Variants in GRIP1 observed in about 807,000 individuals in gnomAD.
GRIP1 encodes the protein glutamate receptor interacting protein 1, also known as glutamate receptor-interacting protein 1.
A neutral mutation model predicts 129.9 loss-of-function variants in GRIP1; 45 were observed. The observed-to-expected ratio is 0.35, with a 90% CI of 0.27 to 0.44. The LOEUF (loss-of-function observed/expected upper bound fraction) is 0.44. Among genes scored for constraint, GRIP1 ranks in the 20% least tolerant of loss-of-function variants. The pLI is 1.00. For synonymous variants in GRIP1, 530 were observed against 520.8 expected, an observed-to-expected ratio of 1.02 and a Z score of -0.24; for missense variants, 1,196 against 1,396.8, an observed-to-expected ratio of 0.86 and a Z score of 2.29.
intron 1 of GRIP1, among the ~76,000 whole-genome samples, chr12:66,647,590 A>T (rs2032473603): frequency 6.6e-6 from 1 of 152,232 alleles, no homozygotes; most frequent in Non-Finnish European, 1.5e-5. Flanking sequence ...TGTCTAAAGA[A>T]ATTGACAGAA....
intron 1 of GRIP1, among the ~76,000 whole-genome samples, chr12:66,764,075 T>C (rs1386555099): frequency 6.6e-6 from 1 of 152,190 alleles, no homozygotes; most frequent in Non-Finnish European, 1.5e-5. Flanking sequence ...GCAAAAGTGA[T>C]GTGGACCATG....
intron 23 of GRIP1, among the ~76,000 whole-genome samples, chr12:66,355,174 C>T (rs575823511): frequency 6.6e-6 from 1 of 152,252 alleles, no homozygotes; most frequent in Admixed American, 6.5e-5. Flanking sequence ...AACTAATGTT[C>T]CCTGAGACGA....
At chr12:66,477,681 A>G (rs2059661737) in intron 7 of GRIP1, among the ~76,000 whole-genome samples, 1 of 152,214 alleles carries the variant, frequency 6.6e-6, no homozygotes, top group Non-Finnish European at 1.5e-5. Context: ...CAAAACAGAG[A>G]TATAGGCTAA....
chr12:66,896,000 T>C (rs115545631), intron 1 of GRIP1, among the ~76,000 whole-genome samples: 2 of 152,220 alleles, frequency 1.3e-5, no homozygotes, highest in Non-Finnish European at 2.9e-5. Flanking sequence ...TCAATGGTCA[T>C]TTTGTTTAGC....
chr12:66,629,302 G>A (rs1001383222), intron 1 of GRIP1, among the ~76,000 whole-genome samples: 5 of 152,186 alleles, frequency 3.3e-5, no homozygotes, highest in Non-Finnish European at 5.9e-5. Context: ...GCAGCACATA[G>A]TGCTGACAAG....
intron 1 of GRIP1, among the ~76,000 whole-genome samples, chr12:66,712,397 AG>A (rs754788142): frequency 1.3e-5 from 2 of 151,956 alleles, no homozygotes; most frequent in African/African-American, 2.4e-5. Context: ...TGACTTGTGG[AG>A]CCAGGTAGTA....
intron 1 of GRIP1, among the ~76,000 whole-genome samples, chr12:66,896,480 G>GAAAAAAAAAAAAAAAAAAA (rs5798843): frequency 9.3e-5 from 10 of 107,870 alleles, no homozygotes; most frequent in East Asian, 8.9e-4. Flanking sequence ...TGAGGAATTT[G>GAAAAAAAAAAAAAAAAAAA]AAAAAAAAAA....
chr12:66,715,602 A>G (rs1340756973), intron 1 of GRIP1, among the ~76,000 whole-genome samples: 1 of 151,990 alleles, frequency 6.6e-6, no homozygotes, highest in African/African-American at 2.4e-5. Context: ...AGAGCCTGGC[A>G]TAAGGAAGAT....
intron 19 of GRIP1, among the ~76,000 whole-genome samples, chr12:66,387,762 G>C (rs2056416237): frequency 1.3e-5 from 2 of 152,166 alleles, no homozygotes; most frequent in Non-Finnish European, 2.9e-5. Context: ...TGAAACATGA[G>C]CTTGTAGAGA....
At chr12:66,809,863 T>C (rs538763233) in intron 1 of GRIP1, among the ~76,000 whole-genome samples, 23 of 152,196 alleles carry the variant, frequency 1.5e-4, no homozygotes, top group East Asian at 1.9e-4. Context: ...GGTTTCACCA[T>C]CTGGCTGATC....
chr12:66,844,311 T>C (rs1471441865), intron 1 of GRIP1, among the ~76,000 whole-genome samples: 2 of 152,108 alleles, frequency 1.3e-5, no homozygotes, highest in African/African-American at 4.8e-5. Context: ...CCTCCAAGGA[T>C]ATACAAATAG....
intron 2 of GRIP1, among the ~76,000 whole-genome samples, chr12:66,591,669 A>G (rs572188046): frequency 6.6e-6 from 1 of 152,088 alleles, no homozygotes; most frequent in East Asian, 1.9e-4. Context: ...TCACTCTGTC[A>G]CCCAGGCTGG....
At chr12:66,875,233 A>G (rs1208153360) in intron 1 of GRIP1, among the ~76,000 whole-genome samples, 1 of 152,112 alleles carries the variant, frequency 6.6e-6, no homozygotes, top group Non-Finnish European at 1.5e-5. Flanking sequence ...ACATTGTTAC[A>G]AAATGGGACC....
At chr12:67,011,883 G>A (rs1714176902) in intron 1 of GRIP1, among the ~76,000 whole-genome samples, 1 of 152,144 alleles carries the variant, frequency 6.6e-6, no homozygotes, top group African/African-American at 2.4e-5. Flanking sequence ...CTCTGCTGTT[G>A]TAGTACAAAA....
chr12:66,945,543 G>C (rs1312625121), intron 1 of GRIP1, among the ~76,000 whole-genome samples: 3 of 152,224 alleles, frequency 2.0e-5, no homozygotes, highest in African/African-American at 7.2e-5. Flanking sequence ...ACATGGCAAA[G>C]GCAAAAGCAG....
At position 66,760,947 on chromosome 12, in the gene GRIP1, G is replaced by C. The variant is rs548457811; in HGVS notation, c.-420+43106C>G. ...GGTAGTGGAATGCAGTGAAAGCTTTGAGCTCTATGGAACCTCCAACTTACC... is the reference window on the plus strand; with the variant it reads ...GGTAGTGGAATGCAGTGAAAGCTTTCAGCTCTATGGAACCTCCAACTTACC... On this transcript the variant is annotated intron_variant, in intron 1 of 4. Transcript: ENST00000538373. 2.6e-5 allele frequency among the ~76,000 whole-genome samples: 4 copies of C among 151,516 alleles called. No homozygotes were observed. In the South Asian group the frequency reaches 8.3e-4, roughly 32 times the overall value.
At chr12:66,722,891 GTATTTC>G (rs2036102818) in intron 1 of GRIP1, among the ~76,000 whole-genome samples, 1 of 152,076 alleles carries the variant, frequency 6.6e-6, no homozygotes, top group South Asian at 2.1e-4. Context: ...AAGTACAGTA[GTATTTC>G]TATTATGCTT....
At chr12:66,826,001 A>G (rs1332162151) in intron 1 of GRIP1, among the ~76,000 whole-genome samples, 1 of 152,206 alleles carries the variant, frequency 6.6e-6, no homozygotes, top group Non-Finnish European at 1.5e-5. Flanking sequence ...ATAAAGACAG[A>G]GGCACACATA....
chr12:66,848,361 T>C (rs941901903), intron 1 of GRIP1, among the ~76,000 whole-genome samples: 1 of 152,060 alleles, frequency 6.6e-6, no homozygotes, highest in African/African-American at 2.4e-5. Context: ...ACATTTCCTC[T>C]ATGATGAACA....
Sources: gnomAD v4.1 joint callset for allele counts (sites outside exome capture counted in the v4.1 genomes callset) on GRCh38, gnomAD v4.1.1 for gene constraint, MANE v1.5 for transcripts, NCBI Gene and HGNC (gene_info 2026-07-23, HGNC 2026-07-21) for gene names.